Variants in AOPEP observed in about 807,000 individuals in gnomAD.
AOPEP encodes aminopeptidase O.
AOPEP carries 77 observed loss-of-function variants against 98.1 expected under a neutral mutation model. The observed-to-expected ratio is 0.78, with a 90% CI of 0.65 to 0.95. The LOEUF is 0.95. AOPEP is among the 40% of genes least tolerant of loss of function. The pLI is 0.00. For synonymous variants in AOPEP, 346 were observed against 365.3 expected (o/e 0.95, Z 0.60); for missense variants, 1,024 against 1,024.7 (o/e 1.00, Z 0.01).
intron 4 of AOPEP, 23 bp downstream of exon 4, chr9:94,792,941 G>GAAA: frequency 6.4e-7 from 1 of 1,554,926 alleles, no homozygotes. Context: ...GGACTTGCTG[G>GAAA]GAAGGAAAAA....
At chr9:95,040,754 T>G (rs2065216607) in intron 13 of AOPEP, among the ~76,000 whole-genome samples, 1 of 152,228 alleles carries the variant, frequency 6.6e-6, no homozygotes, top group South Asian at 2.1e-4. Flanking sequence ...TTGTCCTCTC[T>G]TTTGCAAAGT....
intron 14 of AOPEP, among the ~76,000 whole-genome samples, chr9:95,063,686 TC>T (rs1248883596): frequency 6.6e-6 from 1 of 152,206 alleles, no homozygotes; most frequent in Non-Finnish European, 1.5e-5. Flanking sequence ...CACCCGTTCT[TC>T]CCTTCACTGT....
chr9:95,080,441 C>T (rs1384877296), intron 14 of AOPEP, among the ~76,000 whole-genome samples: 17 of 152,090 alleles, frequency 1.1e-4, no homozygotes, highest in African/African-American at 4.8e-5. Context: ...TGCTTGAACC[C>T]GGGAGGCAGA....
At chr9:95,129,563 C>T in the AOPEP span, among the ~76,000 whole-genome samples, 3 of 152,156 alleles carry the variant, frequency 2.0e-5, no homozygotes, top group Admixed American at 6.5e-5. Context: ...CCCATGACTG[C>T]GGCCATTATC....
chr9:94,760,112 C>T lies in AOPEP; in HGVS notation c.329C>T (p.Ser110Phe). Residue 110 changes from serine (S) to phenylalanine (F), a missense_variant, in exon 2 of 17, where the codon TCT becomes TTT. Physicochemically the swap from Ser to Phe is radical, Grantham distance 155. Transcript: ENST00000375315. ...AICSKGEKDT[S>F]DKDGNHDNQE... ...TGTAGTAAAGGTGAAAAAGATACTT[C>T]TGATAAAGATGGTAACCATGACAAC... The T allele has an allele frequency of 6.2e-7, 1 of 1,614,110 alleles. No homozygotes were observed. The highest frequency in any genetic ancestry group is 8.5e-7 in the Non-Finnish European group (1 of 1,180,008).
rs777308015 is a variant in AOPEP, at chr9:94,760,047, G to A, written c.264G>A (p.Arg88=). The A allele has an allele frequency of 3.7e-6, 6 of 1,614,170 alleles. No homozygotes were observed. The highest frequency in any genetic ancestry group is 8.5e-7 in the Non-Finnish European group (1 of 1,180,042). The change falls in exon 2 of 17, where the codon AGG becomes AGA. Residue 88 remains arginine, a synonymous_variant. Coordinates refer to ENST00000375315, the MANE Select transcript of AOPEP (RefSeq NM_001193329.3). ...EPCHIPVTNA[R]TFSSEMEYND... is the part of the protein sequence containing the mutation. ...GCCATATTCCCGTGACAAATGCAAG[G>A]ACCTTCTCATCTGAAATGGAATATA...
the AOPEP span, chr9:95,107,359 C>T: frequency 2.8e-6 from 4 of 1,417,546 alleles, no homozygotes; most frequent in East Asian, 2.5e-5. Flanking sequence ...AAACAACCCC[C>T]AGAAACGGGT....
intron 13 of AOPEP, among the ~76,000 whole-genome samples, chr9:95,020,912 T>C (rs1453940786): frequency 1.6e-4 from 1 of 6,128 alleles, no homozygotes; most frequent in African/African-American, 3.2e-4. Flanking sequence ...GAGTGAGACC[T>C]TGTCTCAAAA....
chr9:94,801,277 G>A (rs926330521), intron 5 of AOPEP, among the ~76,000 whole-genome samples: 1 of 152,248 alleles, frequency 6.6e-6, no homozygotes, highest in Non-Finnish European at 1.5e-5. Flanking sequence ...TGCCCCCTGA[G>A]TGGTGACTGT....
chr9:95,005,674 T>C (rs2061957156), intron 13 of AOPEP, 58 bp downstream of exon 13: 1 of 1,373,888 alleles, frequency 7.3e-7, no homozygotes. Context: ...TTCTGCCCCG[T>C]GAGGACCTGG....
chr9:95,099,767 G>A, the AOPEP span: 16 of 232,428 alleles, frequency 6.9e-5, no homozygotes, highest in South Asian at 1.4e-3. Flanking sequence ...GAGAGGACTC[G>A]GCAGCTGTGA....
chr9:94,832,443 C>T (rs925398498), intron 5 of AOPEP, among the ~76,000 whole-genome samples: 3 of 152,186 alleles, frequency 2.0e-5, no homozygotes, highest in African/African-American at 7.2e-5. Flanking sequence ...GGGGAAGCGT[C>T]AATGCAGGGG....
chr9:94,773,389 T>C (rs1367310453), intron 3 of AOPEP: 1 of 392,016 alleles, frequency 2.6e-6, no homozygotes, highest in Non-Finnish European at 4.6e-6. Context: ...GAGTTGTCGG[T>C]TCATAGACTA....
intron 5 of AOPEP, among the ~76,000 whole-genome samples, chr9:94,856,873 C>T (rs530177434): frequency 3.3e-5 from 5 of 152,180 alleles, no homozygotes; most frequent in East Asian, 3.9e-4. Context: ...GCAAAGAGTT[C>T]GCTCATGGCC....
At chr9:95,114,519 A>G in the AOPEP span, 1 of 968,734 alleles carries the variant, frequency 1.0e-6, no homozygotes, top group Non-Finnish European at 1.7e-6. Context: ...CTGTTTGGTG[A>G]TGGTCCCAGA....
chr9:95,079,050 G>T (rs1265485616), intron 14 of AOPEP, among the ~76,000 whole-genome samples: 1 of 152,178 alleles, frequency 6.6e-6, no homozygotes, highest in Non-Finnish European at 1.5e-5. Context: ...CTTCCCTTTT[G>T]CTCTGAGGGC....
intron 5 of AOPEP, among the ~76,000 whole-genome samples, chr9:94,826,172 C>T (rs558252256): frequency 1.3e-5 from 2 of 152,226 alleles, no homozygotes; most frequent in South Asian, 2.1e-4. Flanking sequence ...CCTTGTTCTC[C>T]GAAGACATGA....
chr9:95,023,034 G>A (rs1280369389), intron 13 of AOPEP, among the ~76,000 whole-genome samples: 2 of 152,148 alleles, frequency 1.3e-5, no homozygotes, highest in South Asian at 2.1e-4. Context: ...GCCCCTCACC[G>A]GCTTTTTCAC....
chr9:94,829,861 T>C (rs1855557069), intron 5 of AOPEP, among the ~76,000 whole-genome samples: 1 of 152,148 alleles, frequency 6.6e-6, no homozygotes, highest in Admixed American at 6.5e-5. Flanking sequence ...TCTGACGTCA[T>C]GACTACAGGT....
Sources: gnomAD v4.1 joint callset for allele counts (sites outside exome capture counted in the v4.1 genomes callset) on GRCh38, gnomAD v4.1.1 for gene constraint, MANE v1.5 for transcripts, NCBI Gene and HGNC (gene_info 2026-07-23, HGNC 2026-07-21) for gene names.